Variants in PEBP4 observed in about 807,000 individuals in gnomAD.
PEBP4 encodes the protein phosphatidylethanolamine-binding protein 4.
In PEBP4, 22 loss-of-function variants were observed where a neutral mutation model predicts 23.9. The ratio of observed to expected loss-of-function variants is 0.92; its 90% CI spans 0.66 to 1.31. The LOEUF (loss-of-function observed/expected upper bound fraction) is 1.31. PEBP4 is among the 40% of genes most tolerant of loss of function. PEBP4 has a pLI of 0.00. For synonymous variants in PEBP4, 112 were observed against 99.3 expected (o/e 1.13, Z -0.76); for missense variants, 324 against 281.7 (o/e 1.15, Z -1.07).
chr8:22,873,857 T>C (rs1244878356), intron 3 of PEBP4, among the ~76,000 whole-genome samples: 3 of 152,020 alleles, frequency 2.0e-5, no homozygotes, highest in African/African-American at 7.3e-5. Context: ...TTGGGGGTGT[T>C]AGGAGAGATT....
At chr8:22,770,041 A>G (rs1187713961) in intron 4 of PEBP4, among the ~76,000 whole-genome samples, 4 of 152,058 alleles carry the variant, frequency 2.6e-5, no homozygotes, top group East Asian at 3.9e-4. Context: ...AACCTTCTCA[A>G]ACTCTGCCTT....
intron 4 of PEBP4, among the ~76,000 whole-genome samples, chr8:22,794,487 G>A (rs1288339645): frequency 6.6e-6 from 1 of 152,172 alleles, no homozygotes; most frequent in African/African-American, 2.4e-5. Context: ...GCTTTGCCAT[G>A]TTGGCTACCC....
chr8:22,911,229 G>A (rs1014405309), intron 3 of PEBP4, among the ~76,000 whole-genome samples: 3 of 152,164 alleles, frequency 2.0e-5, no homozygotes, highest in Admixed American at 6.5e-5. Flanking sequence ...CATGATTGGG[G>A]TCTAGTGGAC....
chr8:22,772,497 T>C (rs35588525), intron 4 of PEBP4, among the ~76,000 whole-genome samples: 357 of 102,374 alleles, frequency 3.5e-3, no homozygotes, highest in African/African-American at 9.4e-3. Flanking sequence ...CTCTCTCTTT[T>C]TTTTTTTTTT....
At chr8:22,899,617 G>A (rs1455814704) in intron 3 of PEBP4, among the ~76,000 whole-genome samples, 1 of 152,154 alleles carries the variant, frequency 6.6e-6, no homozygotes, top group African/African-American at 2.4e-5. Flanking sequence ...CCTGGCAGTG[G>A]TGCCTCTCAT....
intron 4 of PEBP4, chr8:22,756,016 CTAAA>C (rs970719068): frequency 2.0e-5 from 3 of 152,204 alleles, no homozygotes; most frequent in African/African-American, 7.2e-5. Flanking sequence ...AAGGTGCTCG[CTAAA>C]TACTTATTGA....
chr8:22,728,369 A>T (rs1484251059), intron 4 of PEBP4, among the ~76,000 whole-genome samples: 1 of 152,100 alleles, frequency 6.6e-6, no homozygotes, highest in African/African-American at 2.4e-5. Context: ...CCCTCTTCCA[A>T]GGCTGGTTCC....
chr8:22,901,732 C>T (rs550138777), intron 3 of PEBP4, among the ~76,000 whole-genome samples: 2 of 152,222 alleles, frequency 1.3e-5, no homozygotes, highest in Non-Finnish European at 2.9e-5. Context: ...AAGTCAGTAA[C>T]TCTGGCCACT....
chr8:22,729,960 T>C (rs1804698479), intron 4 of PEBP4, among the ~76,000 whole-genome samples: 1 of 152,132 alleles, frequency 6.6e-6, no homozygotes. Context: ...GAAACTAAAT[T>C]CTAAAAGGTG....
intron 3 of PEBP4, among the ~76,000 whole-genome samples, chr8:22,843,799 T>C (rs1255518606): frequency 6.6e-6 from 1 of 152,124 alleles, no homozygotes; most frequent in African/African-American, 2.4e-5. Context: ...GAGCCTGGAT[T>C]CTGGATCAAG....
intron 3 of PEBP4, among the ~76,000 whole-genome samples, chr8:22,860,501 C>A (rs963556776): frequency 6.6e-6 from 1 of 152,182 alleles, no homozygotes; most frequent in Admixed American, 6.5e-5. Flanking sequence ...TTGTGACTGG[C>A]TTATTTCACT....
intron 3 of PEBP4, among the ~76,000 whole-genome samples, chr8:22,824,604 T>A (rs11992510): frequency 6.6e-6 from 1 of 152,180 alleles, no homozygotes; most frequent in Non-Finnish European, 1.5e-5. Context: ...ATAAACTCAC[T>A]GTAATGTAGA....
chr8:22,925,929 T>C (rs543428469), intron 2 of PEBP4, among the ~76,000 whole-genome samples: 25 of 152,322 alleles, frequency 1.6e-4, no homozygotes, highest in African/African-American at 1.2e-4. Flanking sequence ...TTTCTCTTCC[T>C]CCTTCCACGT....
intron 2 of PEBP4, among the ~76,000 whole-genome samples, chr8:22,924,449 G>A (rs531465647): frequency 6.6e-6 from 1 of 152,212 alleles, no homozygotes; most frequent in Admixed American, 6.5e-5. Context: ...GGGGGGAGCT[G>A]GGGATGAAGG....
chr8:22,812,584 G>A (rs1186239591), intron 4 of PEBP4, among the ~76,000 whole-genome samples: 1 of 152,080 alleles, frequency 6.6e-6, no homozygotes, highest in Non-Finnish European at 1.5e-5. Context: ...AGCATGCATG[G>A]GAAACTGCAC....
intron 4 of PEBP4, among the ~76,000 whole-genome samples, chr8:22,759,726 GA>G (rs1411455252): frequency 3.3e-4 from 50 of 152,234 alleles, no homozygotes; most frequent in African/African-American, 1.2e-3. Flanking sequence ...GTAGTTCCTC[GA>G]GAAGCCCCCA....
intron 6 of PEBP4, among the ~76,000 whole-genome samples, chr8:22,721,578 T>C (rs1804519490): frequency 2.0e-5 from 3 of 152,144 alleles, no homozygotes; most frequent in African/African-American, 7.2e-5. Context: ...TGGGGTTCAG[T>C]GGCCCGTCTG....
intron 3 of PEBP4, among the ~76,000 whole-genome samples, chr8:22,849,392 C>T (rs981660667): frequency 2.6e-5 from 4 of 152,120 alleles, no homozygotes; most frequent in East Asian, 1.9e-4. Context: ...GGAAGTGGGG[C>T]GTCCCACTGC....
chr8:22,775,061 C>T lies in PEBP4; in HGVS notation c.357+42576G>A, dbSNP rs764841725. Among the ~76,000 whole-genome samples the T allele has an allele frequency of 1.3e-5, 2 of 152,214 alleles. No individual in the cohort carries two copies. The highest frequency in any genetic ancestry group is 2.9e-5 in the Non-Finnish European group (2 of 68,040). ...GTGGAGCTGAGACCCAGGTTCAGTG[C>T]AGCTCTGCATTAAGTTAGCCATGTG... On this transcript the variant is annotated intron_variant, in intron 4 of 6. Coordinates refer to ENST00000256404, the MANE Select transcript of PEBP4 (RefSeq NM_144962.3). The surrounding 1 kb of genome is among the most constrained non-coding windows in gnomAD (Gnocchi z 4.8).
Sources: allele counts gnomAD v4.1 joint callset (sites outside exome capture counted in the v4.1 genomes callset), GRCh38; gene constraint gnomAD v4.1.1; non-coding constraint Gnocchi (gnomAD v3.1); transcripts MANE v1.5; gene names NCBI Gene and HGNC (gene_info 2026-07-23, HGNC 2026-07-21).